GRM1: variants seen among roughly 807,000 people sequenced by gnomAD.
The protein encoded by GRM1 is glutamate metabotropic receptor 1, also known as metabotropic glutamate receptor 1.
In GRM1, 33 loss-of-function variants were observed where a neutral mutation model predicts 90.9. The observed-to-expected ratio is 0.36, with a 90% CI of 0.28 to 0.49. The LOEUF (loss-of-function observed/expected upper bound fraction) is 0.49, where lower values mean the gene tolerates loss of function less well. Ranked by LOEUF, GRM1 falls within the 20% of genes least tolerant of loss-of-function variation. GRM1 has a pLI of 0.99. For synonymous variants in GRM1, 700 were observed against 613.2 expected (o/e 1.14, Z -2.09); for missense variants, 1,190 against 1,534.3 (o/e 0.78, Z 3.75).
chr6:146,159,250 G>C, intron 1 of GRM1, 98 bp from the exon 2 acceptor site: 3 of 1,450,878 alleles, frequency 2.1e-6, no homozygotes, highest in Non-Finnish European at 2.9e-6. Context: ...TGGCAAGTCC[G>C]TTCTCTCCAT....
At chr6:146,140,071 T>TTTC (rs1776792656) in intron 1 of GRM1, among the ~76,000 whole-genome samples, 1 of 130,440 alleles carries the variant, frequency 7.7e-6, no homozygotes. Flanking sequence ...TCTCCTCTTC[T>TTTC]TTTCTCCTTT....
chr6:146,423,971 A>T (rs186889703), intron 7 of GRM1, among the ~76,000 whole-genome samples: 1 of 152,238 alleles, frequency 6.6e-6, no homozygotes, highest in Non-Finnish European at 1.5e-5. Flanking sequence ...GGGGCAAATG[A>T]AGTCCCACCA....
intron 1 of GRM1, among the ~76,000 whole-genome samples, chr6:146,040,987 A>G (rs1791079803): frequency 6.6e-6 from 1 of 151,582 alleles, no homozygotes; most frequent in South Asian, 2.1e-4. Flanking sequence ...ACCTGTCTTC[A>G]AGCTCATAAA....
intron 5 of GRM1, among the ~76,000 whole-genome samples, chr6:146,379,635 A>ACATG (rs1353875128): frequency 6.6e-6 from 1 of 152,126 alleles, no homozygotes; most frequent in Non-Finnish European, 1.5e-5. Flanking sequence ...TGATGCTAGT[A>ACATG]CATGCTCTTT....
chr6:146,165,872 TA>T (rs1298145867), intron 2 of GRM1, among the ~76,000 whole-genome samples: 1 of 152,102 alleles, frequency 6.6e-6, no homozygotes, highest in African/African-American at 2.4e-5. Context: ...TGATTTACCT[TA>T]AAGTTGGTAA....
intron 1 of GRM1, among the ~76,000 whole-genome samples, chr6:146,101,834 T>C (rs1017259903): frequency 2.0e-5 from 3 of 148,724 alleles, no homozygotes; most frequent in Non-Finnish European, 4.5e-5. Context: ...ATTACTGTAA[T>C]ATATAATTAC....
chr6:146,186,095 G>GTTTT (rs111964915), intron 2 of GRM1, among the ~76,000 whole-genome samples: 1 of 131,202 alleles, frequency 7.6e-6, no homozygotes, highest in African/African-American at 2.8e-5. Flanking sequence ...ATTACAGCTG[G>GTTTT]TTTTTTTTTT....
intron 4 of GRM1, among the ~76,000 whole-genome samples, chr6:146,353,520 T>C (rs1785476485): frequency 1.3e-5 from 2 of 152,222 alleles, no homozygotes; most frequent in Admixed American, 6.5e-5. Context: ...TCACCTAATG[T>C]CCACAGATTG....
At chr6:146,339,573 A>T (rs1784896648) in intron 3 of GRM1, among the ~76,000 whole-genome samples, 1 of 152,230 alleles carries the variant, frequency 6.6e-6, no homozygotes, top group African/African-American at 2.4e-5. Flanking sequence ...TGTAGTCACC[A>T]TCAATAATAA....
At chr6:146,346,394 T>C (rs914483560) in intron 3 of GRM1, among the ~76,000 whole-genome samples, 2 of 152,256 alleles carry the variant, frequency 1.3e-5, no homozygotes, top group Admixed American at 6.5e-5. Flanking sequence ...TTCTTTCTTC[T>C]CTTCTATCCT....
intron 2 of GRM1, among the ~76,000 whole-genome samples, chr6:146,221,392 G>T (rs951244372): frequency 6.6e-6 from 1 of 152,030 alleles, no homozygotes; most frequent in Non-Finnish European, 1.5e-5. Context: ...TCCCCTCCCT[G>T]TGTCCATGTG....
intron 3 of GRM1, among the ~76,000 whole-genome samples, chr6:146,311,603 T>A (rs1041025512): frequency 6.6e-5 from 10 of 152,214 alleles, no homozygotes; most frequent in Non-Finnish European, 1.3e-4. Context: ...TAAATTTAAA[T>A]CAGTGAAAAT....
intron 1 of GRM1, among the ~76,000 whole-genome samples, chr6:146,079,678 G>A (rs1485115676): frequency 1.3e-5 from 2 of 152,158 alleles, no homozygotes; most frequent in South Asian, 4.1e-4. Context: ...CCAAGGTATT[G>A]AAATGTCTTT....
rs138460952 is a variant in GRM1, at chr6:146,434,577, C to A, written c.3366C>A (p.Asp1122Glu). 1 of 1,613,988 alleles carries A rather than the reference C, an allele frequency of 6.2e-7. No individual in the cohort carries two copies. The highest frequency in any genetic ancestry group is 8.5e-7 in the Non-Finnish European group (1 of 1,180,000). ...AGCGGGAAGGGAACACGGAAGAAGA[C>A]GAACTGGAAGAGGAGGAGGAGGACC... ...EHEREGNTEE[D>E]ELEEEEEDLQ... Residue 1122 changes from aspartate (D) to glutamate (E), a missense_variant, in exon 8 of 8, where the codon GAC (aspartate) becomes GAA (glutamate). Coordinates refer to ENST00000282753, the MANE Select transcript of GRM1 (RefSeq NM_001278064.2).
chr6:146,427,224 TC>T (rs1332288851), intron 7 of GRM1, among the ~76,000 whole-genome samples: 1 of 152,188 alleles, frequency 6.6e-6, no homozygotes, highest in Non-Finnish European at 1.5e-5. Flanking sequence ...GTAGTCATTT[TC>T]CTAACATTAT....
chr6:146,195,487 C>A (rs1165348496), intron 2 of GRM1, among the ~76,000 whole-genome samples: 3 of 152,156 alleles, frequency 2.0e-5, no homozygotes, highest in Non-Finnish European at 4.4e-5. Flanking sequence ...TTTGCTCTTT[C>A]TTTTCACCCA....
At chr6:146,275,677 CTCTT>C (rs1782330982) in intron 2 of GRM1, among the ~76,000 whole-genome samples, 1 of 152,130 alleles carries the variant, frequency 6.6e-6, no homozygotes, top group African/African-American at 2.4e-5. Flanking sequence ...TAAAGTTTCA[CTCTT>C]TCATAAACAA....
chr6:146,405,507 T>C (rs1583453075), intron 7 of GRM1, among the ~76,000 whole-genome samples: 1 of 152,314 alleles, frequency 6.6e-6, no homozygotes, highest in Admixed American at 6.5e-5. Flanking sequence ...AAATAAAAGA[T>C]GTGTATTTTC....
chr6:146,293,600 T>C (rs1290986698), intron 2 of GRM1, among the ~76,000 whole-genome samples: 2 of 151,990 alleles, frequency 1.3e-5, no homozygotes, highest in Admixed American at 1.3e-4. Flanking sequence ...AGTATTGTTA[T>C]AATATCCTTA....
Sources: allele counts gnomAD v4.1 joint callset (sites outside exome capture counted in the v4.1 genomes callset), GRCh38; gene constraint gnomAD v4.1.1; transcripts MANE v1.5; gene names NCBI Gene and HGNC (gene_info 2026-07-23, HGNC 2026-07-21).